Variants in CP observed in about 807,000 individuals in gnomAD.
CP encodes caeruloplasmin.
A neutral mutation model predicts 122.4 loss-of-function variants in CP; 64 were observed. That is an observed-to-expected ratio of 0.52 (90% CI 0.43 to 0.64). The LOEUF is 0.64. Ranked by LOEUF, CP falls within the 30% of genes least tolerant of loss-of-function variation. CP has a pLI of 0.00. For missense variants in CP, 1,167 were observed against 1,284.4 expected (o/e 0.91, Z 1.40); for synonymous variants, 440 against 436.4 (o/e 1.01, Z -0.10).
Position 149,179,791 on chromosome 3 carries a change from A to G in CP, c.2555-129T>C, listed in dbSNP as rs926195677. 10 of 686,814 alleles carry G rather than the reference A, an allele frequency of 1.5e-5. No homozygotes were observed. The African/African-American group carries it at 1.8e-4, about 12-fold the overall frequency. 42.5% of individuals were successfully genotyped at this position (686,814 alleles called of 1,614,324 possible). A position where few individuals can be genotyped will look rare whatever the true frequency, so the allele number is the denominator to read the frequency against. On this transcript the variant is annotated intron_variant, in intron 14 of 18. Coordinates refer to ENST00000264613, the MANE Select transcript of CP (RefSeq NM_000096.4). ...ACCCAGGAACTGGAAATGTCAGTGT[A>G]ATTAGTTTTTAAAAATTGTGGTACT...
chr3:149,202,283 A>C, intron 6 of CP, 42 bp from the exon 7 acceptor site: 1 of 1,613,754 alleles, frequency 6.2e-7, no homozygotes, highest in Non-Finnish European at 8.5e-7. Flanking sequence ...GTTGAAGTAG[A>C]ACAGAAAGCA....
At chr3:149,165,009 C>T (rs888081990) in intron 5 of CP, among the ~76,000 whole-genome samples, 1 of 152,204 alleles carries the variant, frequency 6.6e-6, no homozygotes, top group African/African-American at 2.4e-5. Context: ...ATTGCTTAGA[C>T]TCAGCCTTCA....
chr3:149,208,438 C>T (rs552982727), intron 4 of CP, among the ~76,000 whole-genome samples: 1 of 152,110 alleles, frequency 6.6e-6, no homozygotes, highest in South Asian at 2.1e-4. Flanking sequence ...GACCTTCCAC[C>T]CAGATATAAG....
intron 12 of CP, 60 bp from the exon 13 acceptor site, chr3:149,183,665 TA>T: frequency 8.3e-7 from 1 of 1,199,216 alleles, no homozygotes; most frequent in Non-Finnish European, 1.2e-6. Context: ...ACTTAAGTTT[TA>T]AACTTTAAAT....
At chr3:149,212,076 G>T (rs1484761832) in intron 2 of CP, among the ~76,000 whole-genome samples, 1 of 151,958 alleles carries the variant, frequency 6.6e-6, no homozygotes, top group Admixed American at 6.6e-5. Context: ...GGCAGATCAG[G>T]AGGTCAGGAG....
At chr3:149,189,433 A>G (rs1351212590) in intron 9 of CP, among the ~76,000 whole-genome samples, 1 of 149,904 alleles carries the variant, frequency 6.7e-6, no homozygotes, top group Non-Finnish European at 1.5e-5. Flanking sequence ...GGGCTCCTGT[A>G]GTCCCAGCTA....
In CP at chr3:149,199,777, C is replaced by G. The variant is rs1315707398; in HGVS notation, c.1436G>C (p.Gly479Ala). 1.2e-6 allele frequency: 2 copies of G among 1,613,994 alleles called. No homozygotes were observed. Among genetic ancestry groups the G allele is most frequent in the Non-Finnish European group, 1.7e-6 (2 of 1,180,024 alleles). Residue 479 changes from glycine (G) to alanine (A), a missense_variant, in exon 8 of 19, where the codon GGG becomes GCG. Coordinates refer to ENST00000264613, the MANE Select transcript of CP (RefSeq NM_000096.4). The part of the protein sequence containing the change: ...GAYPLSIEPI[G>A]VRFNKNNEGT... ...CTCGTTGTTCTTATTGAATCTCACC[C>G]CAATCGGCTCAATACTGAGGGGATA...
chr3:149,212,402 C>A (rs369104325), intron 2 of CP, 49 bp downstream of exon 2: 2 of 1,610,244 alleles, frequency 1.2e-6, no homozygotes, highest in Admixed American at 1.7e-5. Context: ...CTAAAAGGCA[C>A]TTCTACTGAA....
rs767762198 is a variant in CP, at chr3:149,182,136, G to A, written c.2426-3C>T. On this transcript the variant is annotated splice_region_variant and splice_polypyrimidine_tract_variant and intron_variant, in intron 13 of 18. Transcript: ENST00000264613. ...AACATCTGCATGAAGTTGTGGACCT[G>A]GCAAAAGTGAAGAGGAAGAGTGTCC... The A allele has an allele frequency of 6.2e-7, 1 of 1,613,992 alleles. No individual in the cohort carries two copies. Among genetic ancestry groups the A allele is most frequent in the African/African-American group, 1.3e-5 (1 of 75,024 alleles).
rs374861810 is a variant in CP, at chr3:149,162,650, A to G, written c.*239T>C. On this transcript the variant is annotated 3_prime_UTR_variant, in exon 6 of 6. Transcript: ENST00000479771. ...CCAGCTGTCGCTTTATCAGTGCTAT[A>G]TTTATCTGGAATATAGAGGCTCCTT... is the stretch of plus-strand genomic sequence containing the variant. 138 of 1,601,350 alleles carry G rather than the reference A, an allele frequency of 8.6e-5. No individual in the cohort carries two copies. The African/African-American group carries it at 9.8e-4, about 11-fold the overall frequency.
chr3:149,172,737 T>G lies in CP; in HGVS notation c.*977A>C, dbSNP rs1725127255. 1 of 153,074 alleles carries G rather than the reference T, an allele frequency of 6.5e-6. No individual in the cohort carries two copies. Among genetic ancestry groups the G allele is most frequent in the African/African-American group, 2.4e-5 (1 of 41,468 alleles). 9.5% of individuals were successfully genotyped at this position (153,074 alleles called of 1,614,324 possible). A position where few individuals can be genotyped will look rare whatever the true frequency, so the allele number is the denominator to read the frequency against. ...AAAAGATTTCAAACCTCATTTTTTT[T>G]GTTCCTTTTCTTGTTACTTTTAAGA... On this transcript the variant is annotated 3_prime_UTR_variant, in exon 19 of 19. Coordinates refer to ENST00000264613, the MANE Select transcript of CP (RefSeq NM_000096.4).
At chr3:149,175,017 C>G (rs901409134) in intron 18 of CP, among the ~76,000 whole-genome samples, 2 of 152,088 alleles carry the variant, frequency 1.3e-5, no homozygotes, top group Non-Finnish European at 2.9e-5. Flanking sequence ...CAGGAGGAAT[C>G]TTCTCTGTGG....
At chr3:149,168,369 G>T, downstream of CP, 1 of 205,292 alleles carries the variant, frequency 4.9e-6, no homozygotes, top group Non-Finnish European at 1.0e-5. Flanking sequence ...AGCAAGTATT[G>T]ATGAATAACA....
chr3:149,176,533 G>A, intron 17 of CP, 121 bp from the exon 18 acceptor site: 5 of 820,474 alleles, frequency 6.1e-6, no homozygotes, highest in Non-Finnish European at 9.8e-6. Flanking sequence ...AAAAAATCGA[G>A]CTCGTTTCTG....
downstream of CP, among the ~76,000 whole-genome samples, chr3:149,167,536 C>T (rs893829339): frequency 8.5e-5 from 13 of 152,152 alleles, no homozygotes; most frequent in Admixed American, 1.3e-4. Context: ...CTCTGCCATA[C>T]GGTTTTTAGT....
chr3:149,198,821 G>A (rs1417445841), intron 8 of CP, among the ~76,000 whole-genome samples: 1 of 152,212 alleles, frequency 6.6e-6, no homozygotes, highest in African/African-American at 2.4e-5. Context: ...TTCCGGGAAT[G>A]TCCCTAGCAC....
intron 12 of CP, among the ~76,000 whole-genome samples, chr3:149,184,243 GCCAGGATGGTCTCCATCC>G (rs1253996573): frequency 4.6e-5 from 7 of 151,638 alleles, no homozygotes; most frequent in Non-Finnish European, 1.0e-4. Context: ...CACCATGTTA[GCCAGGATGGTCTCCATCC>G]CCTGACCTCG....
chr3:149,208,634 T>G (rs1166789682), intron 4 of CP, among the ~76,000 whole-genome samples: 1 of 152,140 alleles, frequency 6.6e-6, no homozygotes, highest in Admixed American at 6.5e-5. Context: ...CTCATGCAAA[T>G]TATGAGAAAT....
intron 15 of CP, among the ~76,000 whole-genome samples, chr3:149,178,904 A>G (rs760785900): frequency 1.3e-5 from 2 of 152,260 alleles, no homozygotes; most frequent in Non-Finnish European, 2.9e-5. Context: ...TGATTTTAAA[A>G]GAATCCCAAA....
Sources: allele counts gnomAD v4.1 joint callset (sites outside exome capture counted in the v4.1 genomes callset), GRCh38; gene constraint gnomAD v4.1.1; transcripts MANE v1.5; gene names NCBI Gene and HGNC (gene_info 2026-07-23, HGNC 2026-07-21).